The following CNTN4 variants were observed in gnomAD, a reference collection of about 807,000 sequenced individuals.
CNTN4 encodes contactin-4.
In CNTN4, 77 loss-of-function variants were observed where a neutral mutation model predicts 122.5. The observed-to-expected ratio is 0.63, with a 90% CI of 0.52 to 0.76. The LOEUF (loss-of-function observed/expected upper bound fraction) is 0.76, where lower values mean the gene tolerates loss of function less well. Among genes scored for constraint, CNTN4 ranks in the 30% least tolerant of loss-of-function variants. CNTN4 has a pLI of 0.00. For synonymous variants in CNTN4, 512 were observed against 447.0 expected (o/e 1.15, Z -1.83); for missense variants, 1,256 against 1,259.1 (o/e 1.00, Z 0.04).
intron 2 of CNTN4, among the ~76,000 whole-genome samples, chr3:2,212,798 G>C (rs1190553634): frequency 6.6e-6 from 1 of 152,166 alleles, no homozygotes; most frequent in East Asian, 1.9e-4. Context: ...TAGAGATTCT[G>C]ATTTAATTTA....
chr3:2,931,343 C>A (rs975874636), intron 13 of CNTN4, among the ~76,000 whole-genome samples: 14 of 148,794 alleles, frequency 9.4e-5, no homozygotes, highest in Admixed American at 6.6e-4. Context: ...TCTTTAGGAA[C>A]TGACGAATGG....
At chr3:2,294,653 A>T (rs2042243534) in intron 2 of CNTN4, among the ~76,000 whole-genome samples, 1 of 152,148 alleles carries the variant, frequency 6.6e-6, no homozygotes, top group East Asian at 1.9e-4. Context: ...AACAAAAAAG[A>T]ATAGGCTGTC....
chr3:2,997,018 C>A (rs10510245), intron 14 of CNTN4, among the ~76,000 whole-genome samples: 19,126 of 152,160 alleles, frequency 0.13, 1,492 homozygotes, highest in Non-Finnish European at 0.17. Flanking sequence ...GTCATCCTGC[C>A]ATAGAGCTAT....
At chr3:2,334,225 T>G (rs1419959648) in intron 2 of CNTN4, among the ~76,000 whole-genome samples, 1 of 152,320 alleles carries the variant, frequency 6.6e-6, no homozygotes, top group African/African-American at 2.4e-5. Context: ...TGGCAGGATC[T>G]TGGCTCATTG....
chr3:2,622,072 T>A (rs2082010935), intron 4 of CNTN4, among the ~76,000 whole-genome samples: 1 of 152,188 alleles, frequency 6.6e-6, no homozygotes, highest in Admixed American at 6.5e-5. Context: ...CCATCTCTGT[T>A]TTAAATGTTG....
intron 4 of CNTN4, among the ~76,000 whole-genome samples, chr3:2,626,678 G>C (rs2082203994): frequency 6.6e-6 from 1 of 151,918 alleles, no homozygotes. Context: ...CTACACTGTG[G>C]GTAGAAAAAT....
intron 2 of CNTN4, among the ~76,000 whole-genome samples, chr3:2,102,110 G>T (rs1278213157): frequency 1.3e-5 from 2 of 152,206 alleles, no homozygotes; most frequent in Non-Finnish European, 2.9e-5. Context: ...AGACATACAG[G>T]TGAATTTTAA....
At chr3:2,345,976 G>A (rs543098068) in intron 3 of CNTN4, among the ~76,000 whole-genome samples, 1 of 152,212 alleles carries the variant, frequency 6.6e-6, no homozygotes, top group Non-Finnish European at 1.5e-5. Context: ...TTTATGTTTA[G>A]TTTAGGTGTA....
intron 4 of CNTN4, among the ~76,000 whole-genome samples, chr3:2,673,609 C>T (rs1450124984): frequency 3.3e-5 from 5 of 152,170 alleles, no homozygotes; most frequent in South Asian, 2.1e-4. Context: ...GGCGTGATCT[C>T]GGCTCACTGC....
At chr3:2,766,550 C>T (rs7623318) in intron 6 of CNTN4, among the ~76,000 whole-genome samples, 100,147 of 152,034 alleles carry the variant, frequency 0.66, 35,004 homozygotes, top group Non-Finnish European at 0.78. Flanking sequence ...GCTATGAGGA[C>T]GCAAAGGCAT....
intron 2 of CNTN4, among the ~76,000 whole-genome samples, chr3:2,109,644 T>A (rs564143041): frequency 1.3e-5 from 2 of 152,324 alleles, no homozygotes; most frequent in Admixed American, 6.5e-5. Context: ...ATGATATGAC[T>A]CAAATCACCA....
Position 3,026,116 on chromosome 3 carries a change from A to G in CNTN4, c.1501A>G (p.Met501Val). 3 of 1,613,258 alleles carry G rather than the reference A, an allele frequency of 1.9e-6. No individual in the cohort carries two copies. The highest frequency in any genetic ancestry group is 2.5e-6 in the Non-Finnish European group (3 of 1,179,380). The change falls in exon 15 of 25, where the codon ATG becomes GTG. Residue 501 changes from methionine to valine, a missense_variant. Met to Val is a conservative substitution (Grantham distance 21, BLOSUM62 1). Transcript: ENST00000418658. The stretch of plus-strand genomic sequence containing the variant: ...TAACTCTCCAGATCCAACAAGGGTA[A>G]TGGTACCCCCTTCCAGTATGGATGT... Reference protein sequence around the residue: ...NLVVKDPTRVMVPPSSMDVTV... With the variant: ...NLVVKDPTRVVVPPSSMDVTV...
intron 4 of CNTN4, 69 bp downstream of exon 4, chr3:2,571,627 C>T (rs780102836): frequency 1.7e-6 from 2 of 1,145,244 alleles, no homozygotes; most frequent in Admixed American, 1.7e-5. Flanking sequence ...CAAAAGTGGG[C>T]CTTCACTTTA....
At chr3:3,003,884 G>A (rs114140063) in intron 14 of CNTN4, among the ~76,000 whole-genome samples, 1 of 151,832 alleles carries the variant, frequency 6.6e-6, no homozygotes, top group Admixed American at 6.6e-5. Flanking sequence ...TAGGTAGCTG[G>A]GATTACAGGC....
At chr3:2,705,128 G>C (rs1038515794) in intron 4 of CNTN4, among the ~76,000 whole-genome samples, 5 of 151,284 alleles carry the variant, frequency 3.3e-5, no homozygotes, top group African/African-American at 1.2e-4. Context: ...GCTGGCTTTG[G>C]GAGGCCGAGG....
intron 4 of CNTN4, among the ~76,000 whole-genome samples, chr3:2,689,234 A>G (rs1220011428): frequency 6.6e-6 from 1 of 152,090 alleles, no homozygotes; most frequent in Non-Finnish European, 1.5e-5. Context: ...GGGGAAGGAG[A>G]TCTAAATTCC....
intron 7 of CNTN4, among the ~76,000 whole-genome samples, chr3:2,853,232 T>C (rs2093575723): frequency 6.6e-6 from 1 of 152,044 alleles, no homozygotes; most frequent in African/African-American, 2.4e-5. Flanking sequence ...AAAATGAATT[T>C]ATTGTTTTTG....
At chr3:2,320,125 A>C (rs1327120817) in intron 2 of CNTN4, among the ~76,000 whole-genome samples, 1 of 152,154 alleles carries the variant, frequency 6.6e-6, no homozygotes, top group Non-Finnish European at 1.5e-5. Flanking sequence ...TAATTCTGGA[A>C]TGAAAATTAG....
chr3:2,367,918 C>T (rs1272928056), intron 3 of CNTN4, among the ~76,000 whole-genome samples: 1 of 151,876 alleles, frequency 6.6e-6, no homozygotes, highest in Non-Finnish European at 1.5e-5. Context: ...TCCGTAAGTA[C>T]TATTATTTTT....
Sources: gnomAD v4.1 joint callset for allele counts (sites outside exome capture counted in the v4.1 genomes callset) on GRCh38, gnomAD v4.1.1 for gene constraint, MANE v1.5 for transcripts, NCBI Gene and HGNC (gene_info 2026-07-23, HGNC 2026-07-21) for gene names.